Variants in AUTS2 observed in about 807,000 individuals in gnomAD.
AUTS2 encodes the protein autism susceptibility gene 2 protein.
AUTS2 carries 17 observed loss-of-function variants against 112.4 expected under a neutral mutation model. That is an observed-to-expected ratio of 0.15 (90% CI 0.10 to 0.23). The LOEUF (loss-of-function observed/expected upper bound fraction) is 0.23. Ranked by LOEUF, AUTS2 falls within the 10% of genes least tolerant of loss-of-function variation. The pLI is 1.00. For missense variants in AUTS2, 1,510 were observed against 1,701.6 expected (o/e 0.89, Z 1.98); for synonymous variants, 751 against 702.7 (o/e 1.07, Z -1.09).
Position 70,766,005 on chromosome 7 carries a change from T to TGTCA in AUTS2, c.1469-108_1469-105dup, listed in dbSNP as rs1789916041. On this transcript the variant is annotated intron_variant, in intron 8 of 18. Coordinates refer to ENST00000342771, the MANE Select transcript of AUTS2 (RefSeq NM_015570.4). This position sits in a 1 kb window ranked among gnomAD's most constrained non-coding sequence, Gnocchi z 4.8. ...TTTATCTCAGGGCCCAGCCACACCC[T>TGTCA]GTCACCCCTGCCACTGTGTCACCAG... 1.3e-6 allele frequency: 2 copies of TGTCA among 1,500,854 alleles called. No individual in the cohort carries two copies. Among genetic ancestry groups the TGTCA allele is most frequent in the Non-Finnish European group, 1.8e-6 (2 of 1,123,854 alleles). The allele number at this position is 1,500,854 out of a possible 1,614,324, so 93.0% of individuals were successfully genotyped here. A position where few individuals can be genotyped will look rare whatever the true frequency, so the allele number is the denominator to read the frequency against.
At chr7:70,001,708 A>AT (rs1491486407) in intron 2 of AUTS2, among the ~76,000 whole-genome samples, 5 of 142,408 alleles carry the variant, frequency 3.5e-5, no homozygotes, top group African/African-American at 8.1e-5. Context: ...CCTCATTGTC[A>AT]TATTTTTTTT....
chr7:69,762,714 A>G (rs1055963622), intron 1 of AUTS2, among the ~76,000 whole-genome samples: 1 of 152,110 alleles, frequency 6.6e-6, no homozygotes, highest in African/African-American at 2.4e-5. Context: ...GAAGAAAATA[A>G]TTGTTTCTAA....
At chr7:70,751,121 G>A (rs1263253043) in intron 6 of AUTS2, among the ~76,000 whole-genome samples, 4 of 152,198 alleles carry the variant, frequency 2.6e-5, no homozygotes, top group African/African-American at 9.6e-5. Flanking sequence ...CAGGTAAAAT[G>A]ACAGGGGCGC....
At chr7:70,486,912 A>G (rs867555723) in intron 5 of AUTS2, among the ~76,000 whole-genome samples, 9 of 99,778 alleles carry the variant, frequency 9.0e-5, no homozygotes, top group South Asian at 4.4e-4. Context: ...CCCCCCCAAA[A>G]AAAAAGAAGA....
chr7:69,894,353 T>TC (rs398005089), intron 1 of AUTS2, among the ~76,000 whole-genome samples: 1 of 151,382 alleles, frequency 6.6e-6, no homozygotes. Context: ...CAGTTTTTTT[T>TC]ATCTTTACCC....
At chr7:70,659,751 T>A (rs1806970694) in intron 5 of AUTS2, among the ~76,000 whole-genome samples, 1 of 152,158 alleles carries the variant, frequency 6.6e-6, no homozygotes, top group Non-Finnish European at 1.5e-5. Context: ...CAAACAAACT[T>A]GCATATACAT....
At chr7:70,045,239 C>T (rs1418299421) in intron 2 of AUTS2, among the ~76,000 whole-genome samples, 1 of 152,090 alleles carries the variant, frequency 6.6e-6, no homozygotes, top group Non-Finnish European at 1.5e-5. Context: ...ACTTTAACTA[C>T]AAAACTGGAT....
At chr7:70,608,778 A>T (rs10266886) in intron 5 of AUTS2, among the ~76,000 whole-genome samples, 4,329 of 152,068 alleles carry the variant, frequency 0.028, 215 homozygotes, top group African/African-American at 0.099. Context: ...ACTTCTAATA[A>T]TCATTTTCCC....
chr7:69,994,941 A>C (rs542338290), intron 2 of AUTS2, among the ~76,000 whole-genome samples: 1 of 152,300 alleles, frequency 6.6e-6, no homozygotes, highest in Non-Finnish European at 1.5e-5. Flanking sequence ...TGATGCATTG[A>C]GACTTCCATT....
At chr7:69,945,825 C>G (rs1226322423) in intron 2 of AUTS2, among the ~76,000 whole-genome samples, 1 of 152,094 alleles carries the variant, frequency 6.6e-6, no homozygotes, top group Non-Finnish European at 1.5e-5. Context: ...ATTCTACTCT[C>G]TGTTTTTATG....
intron 1 of AUTS2, among the ~76,000 whole-genome samples, chr7:69,611,916 G>A (rs1171698355): frequency 7.6e-6 from 1 of 130,916 alleles, no homozygotes; most frequent in Non-Finnish European, 1.6e-5. Context: ...CGGCCTGGGC[G>A]ACAGAGCGAG....
chr7:70,282,682 C>A (rs1788276461), intron 4 of AUTS2, among the ~76,000 whole-genome samples: 1 of 152,088 alleles, frequency 6.6e-6, no homozygotes, highest in South Asian at 2.1e-4. Context: ...AGACCACAGT[C>A]CCTGTGAAGA....
chr7:70,652,580 C>T (rs1439192902), intron 5 of AUTS2, among the ~76,000 whole-genome samples: 3 of 152,110 alleles, frequency 2.0e-5, no homozygotes, highest in Non-Finnish European at 4.4e-5. Flanking sequence ...TTGTGGTAGC[C>T]CTGAATTTTC....
chr7:70,286,484 C>G (rs954991748), intron 4 of AUTS2, among the ~76,000 whole-genome samples: 2 of 152,210 alleles, frequency 1.3e-5, no homozygotes, highest in Admixed American at 6.5e-5. Context: ...TCCTTCAACT[C>G]TGAAATACTA....
intron 1 of AUTS2, among the ~76,000 whole-genome samples, chr7:69,797,454 C>T (rs1169114447): frequency 6.6e-6 from 1 of 152,220 alleles, no homozygotes; most frequent in African/African-American, 2.4e-5. Flanking sequence ...TTCCCCTTCA[C>T]AGGTACGTGA....
intron 2 of AUTS2, among the ~76,000 whole-genome samples, chr7:70,037,585 A>AT (rs1801063711): frequency 6.6e-6 from 1 of 152,140 alleles, no homozygotes; most frequent in African/African-American, 2.4e-5. Flanking sequence ...TTTTTATATA[A>AT]TTTTTTGGTA....
chr7:69,611,782 T>C (rs1379330370), intron 1 of AUTS2, among the ~76,000 whole-genome samples: 3 of 148,256 alleles, frequency 2.0e-5, no homozygotes, highest in Non-Finnish European at 3.0e-5. Flanking sequence ...TACAAAAAAT[T>C]AGCCGGGCGC....
rs568777786 is a variant in AUTS2 at position 70,060,590 on chromosome 7, C to T, written c.523-57542C>T. The stretch of plus-strand genomic sequence containing the variant: ...AATTCAACACTTACTTTGTAATGCA[C>T]ATTTTACAGATACAGCTTATGTAAT... On this transcript the variant is annotated intron_variant, in intron 2 of 18. Transcript: ENST00000342771. 3.2e-4 allele frequency among the ~76,000 whole-genome samples: 48 copies of T among 152,322 alleles called. 1 individual carries two copies. The highest frequency in any genetic ancestry group is 2.1e-3 in the South Asian group (10 of 4,820).
chr7:70,451,109 A>G (rs912876781), intron 5 of AUTS2, among the ~76,000 whole-genome samples: 2 of 152,188 alleles, frequency 1.3e-5, no homozygotes, highest in Admixed American at 1.3e-4. Context: ...CTATAGGGGA[A>G]TGAGTGGGAG....
Sources: allele counts gnomAD v4.1 joint callset (sites outside exome capture counted in the v4.1 genomes callset), GRCh38; gene constraint gnomAD v4.1.1; non-coding constraint Gnocchi (gnomAD v3.1); transcripts MANE v1.5; gene names NCBI Gene and HGNC (gene_info 2026-07-23, HGNC 2026-07-21).